TSGA13: variants seen among roughly 807,000 people sequenced by gnomAD.
TSGA13 encodes testis specific 13.
In TSGA13, 37 loss-of-function variants were observed where a neutral mutation model predicts 35.1. The observed-to-expected ratio is 1.05, with a 90% CI of 0.81 to 1.39. The LOEUF (loss-of-function observed/expected upper bound fraction) is 1.39. Ranked by LOEUF, TSGA13 falls within the 40% of genes most tolerant of loss-of-function variation. The probability of loss-of-function intolerance (pLI) is 0.00; values close to 1 mark genes in which losing one functional copy is unlikely to be tolerated. For synonymous variants in TSGA13, 124 were observed against 121.2 expected, an observed-to-expected ratio of 1.02 and a Z score of -0.15; for missense variants, 338 against 328.5, an observed-to-expected ratio of 1.03 and a Z score of -0.22.
At chr7:130,677,672 G>A (rs1346101816) in intron 5 of TSGA13, among the ~76,000 whole-genome samples, 2 of 151,960 alleles carry the variant, frequency 1.3e-5, no homozygotes, top group Admixed American at 6.6e-5. Flanking sequence ...TGATCTGCCC[G>A]CCTCAGCCTC....
intron 7 of TSGA13, among the ~76,000 whole-genome samples, chr7:130,670,764 G>A (rs909179027): frequency 2.6e-5 from 4 of 151,978 alleles, no homozygotes; most frequent in African/African-American, 7.3e-5. Context: ...CAGACTACAG[G>A]TGCATGCCGC....
intron 5 of TSGA13, among the ~76,000 whole-genome samples, chr7:130,676,191 G>T (rs1554464089): frequency 6.6e-6 from 1 of 152,178 alleles, no homozygotes; most frequent in Non-Finnish European, 1.5e-5. Context: ...TATCACATTT[G>T]TCCAGCAAGG....
Position 130,685,378 on chromosome 7 carries a change from A to G in TSGA13, c.-150-18T>C. 7.0e-7 allele frequency: 1 copy of G among 1,419,480 alleles called. No individual in the cohort carries two copies. The highest frequency in any genetic ancestry group is 9.3e-7 in the Non-Finnish European group (1 of 1,072,912). 87.9% of individuals were successfully genotyped at this position (1,419,480 alleles called of 1,614,324 possible). On this transcript the variant is annotated intron_variant, in intron 1 of 7. Coordinates refer to ENST00000356588, the MANE Select transcript of TSGA13 (RefSeq NM_052933.4). ...TCTTGAGCCTGTATGGGAAACAAGA[A>G]AAGACTGATAGGTGCTATTGTAGAT...
chr7:130,676,857 C>T (rs998527333), intron 5 of TSGA13, among the ~76,000 whole-genome samples: 7 of 151,812 alleles, frequency 4.6e-5, no homozygotes, highest in African/African-American at 2.4e-5. Flanking sequence ...AGATTAGACC[C>T]GCTCTTGAGG....
chr7:130,682,162 C>T (rs371414658), intron 3 of TSGA13, among the ~76,000 whole-genome samples: 6 of 151,842 alleles, frequency 4.0e-5, no homozygotes, highest in Non-Finnish European at 7.4e-5. Flanking sequence ...CTCTGTTGCC[C>T]AGGCTGGAGT....
At chr7:130,672,941 AC>A in intron 5 of TSGA13, 65 bp from the exon 6 acceptor site, 2 of 1,504,810 alleles carry the variant, frequency 1.3e-6, no homozygotes, top group Non-Finnish European at 1.8e-6. Flanking sequence ...TTAAGTTTGG[AC>A]CAAGTTCCTG....
chr7:130,680,628 G>C (rs928065847), intron 4 of TSGA13, among the ~76,000 whole-genome samples: 3 of 152,078 alleles, frequency 2.0e-5, no homozygotes, highest in Admixed American at 6.6e-5. Context: ...CAGAGGGTTG[G>C]GGGGAAGGAA....
chr7:130,683,042 T>TA (rs1277832346), intron 3 of TSGA13, among the ~76,000 whole-genome samples: 26 of 152,172 alleles, frequency 1.7e-4, no homozygotes, highest in Non-Finnish European at 2.6e-4. Flanking sequence ...ACAGGTTTTT[T>TA]AAAAAAAATA....
chr7:130,683,743 TC>T (rs1554465424), intron 2 of TSGA13, 71 bp from the exon 3 acceptor site: 1 of 1,432,958 alleles, frequency 7.0e-7, no homozygotes, highest in African/African-American at 1.4e-5. Flanking sequence ...ATTGTCAGTC[TC>T]CCTCAACAAA....
intron 7 of TSGA13, among the ~76,000 whole-genome samples, chr7:130,670,275 G>C (rs782556696): frequency 2.6e-5 from 4 of 152,202 alleles, no homozygotes; most frequent in Non-Finnish European, 4.4e-5. Flanking sequence ...CCAGTTAAGG[G>C]ATGGTATAAT....
chr7:130,672,032 A>G (rs375685114), intron 6 of TSGA13, among the ~76,000 whole-genome samples: 2 of 152,210 alleles, frequency 1.3e-5, no homozygotes, highest in South Asian at 2.1e-4. Flanking sequence ...CTGGGATTAC[A>G]GGCACTTGCC....
rs532284216 is a variant in TSGA13, at chr7:130,668,898, C to G, written c.*116G>C. 6.9e-7 allele frequency: 1 copy of G among 1,458,694 alleles called. No homozygotes were observed. Among genetic ancestry groups the G allele is most frequent in the Non-Finnish European group, 9.2e-7 (1 of 1,087,498 alleles). 90.4% of individuals were successfully genotyped at this position (1,458,694 alleles called of 1,614,324 possible). On this transcript the variant is annotated 3_prime_UTR_variant, in exon 8 of 8. Transcript: ENST00000356588. ...GGAGACTTCGGCTCGACCCTCCCGG[C>G]TTGCGACCCGGGAGCCCACGCCCGC...
chr7:130,683,685 C>T lies in TSGA13; in HGVS notation c.24-13G>A. 6.2e-7 allele frequency: 1 copy of T among 1,613,074 alleles called. No individual in the cohort carries two copies. Among genetic ancestry groups the T allele is most frequent in the Non-Finnish European group, 8.5e-7 (1 of 1,179,282 alleles). The stretch of plus-strand genomic sequence containing the variant: ...GCCATTTTGAAACCTGAAAAAGAGG[C>T]AGAACATCCGGTTGCACTTTCTGGC... On this transcript the variant is annotated splice_polypyrimidine_tract_variant and intron_variant, in intron 2 of 7. Coordinates refer to ENST00000356588, the MANE Select transcript of TSGA13 (RefSeq NM_052933.4).
chr7:130,681,618 G>A (rs1462496216), intron 3 of TSGA13, among the ~76,000 whole-genome samples: 1 of 152,094 alleles, frequency 6.6e-6, no homozygotes, highest in Admixed American at 6.5e-5. Flanking sequence ...TTGAATTTTG[G>A]TAACACTTGT....
chr7:130,670,650 C>A (rs1796244373), intron 7 of TSGA13, among the ~76,000 whole-genome samples: 1 of 152,118 alleles, frequency 6.6e-6, no homozygotes, highest in African/African-American at 2.4e-5. Context: ...GACAGGGTCT[C>A]ACTCTGTTAC....
chr7:130,672,558 T>A (rs925228415), intron 6 of TSGA13, among the ~76,000 whole-genome samples, 176 bp downstream of exon 6: 1 of 152,172 alleles, frequency 6.6e-6, no homozygotes, highest in Non-Finnish European at 1.5e-5. Flanking sequence ...TAGTTTTGCA[T>A]GACTGTTTCT....
chr7:130,672,603 TAGGGAA>T (rs1554463333), intron 6 of TSGA13, 125 bp downstream of exon 6: 1 of 1,238,192 alleles, frequency 8.1e-7, no homozygotes, highest in East Asian at 2.5e-5. Flanking sequence ...TAGGGTCATG[TAGGGAA>T]AGTCGTGTCT....
In TSGA13 at chr7:130,680,383, A is replaced by G. The variant is rs556082042; in HGVS notation, c.174+563T>C. Among the ~76,000 whole-genome samples the G allele has an allele frequency of 2.6e-5, 4 of 151,998 alleles. No homozygotes were observed. In the East Asian group the frequency reaches 5.8e-4, roughly 22 times the overall value. The stretch of plus-strand genomic sequence containing the variant: ...TAGCCAGGCGTAGTGGGGGGCGCCT[A>G]TATTCCCAGCTACTCGGGAGGCTGA... On this transcript the variant is annotated intron_variant, in intron 4 of 7. Coordinates refer to ENST00000356588, the MANE Select transcript of TSGA13 (RefSeq NM_052933.4).
chr7:130,681,128 A>AGT, intron 3 of TSGA13, 111 bp from the exon 4 acceptor site: 30 of 855,498 alleles, frequency 3.5e-5, no homozygotes, highest in Non-Finnish European at 5.3e-5. Context: ...ACTTACACTA[A>AGT]GTAAGTTAGA....
Sources: allele counts gnomAD v4.1 joint callset (sites outside exome capture counted in the v4.1 genomes callset), GRCh38; gene constraint gnomAD v4.1.1; transcripts MANE v1.5; gene names NCBI Gene and HGNC (gene_info 2026-07-23, HGNC 2026-07-21).